The following CCDC134 variants were observed in gnomAD, a reference collection of about 807,000 sequenced individuals.
CCDC134 encodes the protein coiled-coil domain-containing protein 134.
In CCDC134, 27 loss-of-function variants were observed where a neutral mutation model predicts 25.6. The ratio of observed to expected loss-of-function variants is 1.05; its 90% confidence interval spans 0.78 to 1.45. The LOEUF is 1.45. CCDC134 is among the 40% of genes most tolerant of loss of function. The pLI is 0.00. For missense variants in CCDC134, 261 were observed against 286.7 expected (o/e 0.91, Z 0.65); for synonymous variants, 110 against 115.0 (o/e 0.96, Z 0.28).
intron 1 of CCDC134, among the ~76,000 whole-genome samples, chr22:41,802,914 AAAAAAAT>A (rs1426671419): frequency 6.6e-6 from 1 of 150,912 alleles, no homozygotes; most frequent in African/African-American, 2.4e-5. Context: ...ACTCTGTCTC[AAAAAAAT>A]AAAAAATAAA....
In CCDC134 at chr22:41,826,039, TC is replaced by T. The variant is rs1020506674; in HGVS notation, c.*217del. 53 of 548,490 alleles carry T rather than the reference TC, an allele frequency of 9.7e-5. No individual in the cohort carries two copies. In the Admixed American group the frequency reaches 1.7e-3, roughly 17 times the overall value. 34.0% of individuals were successfully genotyped at this position (548,490 alleles called of 1,614,324 possible). A position where few individuals can be genotyped will look rare whatever the true frequency, so the allele number is the denominator to read the frequency against. On this transcript the variant is annotated 3_prime_UTR_variant, in exon 7 of 7. Transcript: ENST00000255784. ...CAGGGGCCTCCTGCTGAAGGGGCCT[TC>T]AGAGGATTTTATGCTGGAAATATGA...
chr22:41,825,883 T>C lies in CCDC134; in HGVS notation c.*60T>C. 1 of 1,598,162 alleles carries C rather than the reference T, an allele frequency of 6.3e-7. No individual in the cohort carries two copies. The highest frequency in any genetic ancestry group is 8.5e-7 in the Non-Finnish European group (1 of 1,171,220). On this transcript the variant is annotated 3_prime_UTR_variant, in exon 7 of 7. Transcript: ENST00000255784. The surrounding 1 kb of genome is among the most constrained non-coding windows in gnomAD (Gnocchi z 4.4). ...GAGGCAGGTCGGGAGGAAGAAGAGGTGGAGGTGTGGTTGTGGTGGAGAGCA... is the reference window on the plus strand; with the variant it reads ...GAGGCAGGTCGGGAGGAAGAAGAGGCGGAGGTGTGGTTGTGGTGGAGAGCA...
chr22:41,825,904 G>A lies in CCDC134; in HGVS notation c.*81G>A. ...GAGGTGGAGGTGTGGTTGTGGTGGA[G>A]AGCACCAGCTAGCCCCTTCCAGAAG... On this transcript the variant is annotated 3_prime_UTR_variant, in exon 7 of 7. Transcript: ENST00000255784. This position sits in a 1 kb window ranked among gnomAD's most constrained non-coding sequence, Gnocchi z 4.4. The A allele has an allele frequency of 6.3e-7, 1 of 1,575,786 alleles. No homozygotes were observed. The highest frequency in any genetic ancestry group is 8.6e-7 in the Non-Finnish European group (1 of 1,156,692).
rs2076705843 is a variant in CCDC134 at position 41,831,097 on chromosome 22, G to C, written c.*5274G>C. ...GACGGGGTTTCACCAAGCTGGCCAA[G>C]CTGGTCTCGAACTCCCGACCTCAGG... On this transcript the variant is annotated 3_prime_UTR_variant, in exon 7 of 7. Transcript: ENST00000255784. 1 of 152,060 alleles carries C rather than the reference G, an allele frequency of 6.6e-6. No individual in the cohort carries two copies. The highest frequency in any genetic ancestry group is 2.1e-4 in the South Asian group (1 of 4,830). The allele number at this position is 152,060 out of a possible 1,614,324, so 9.4% of individuals were successfully genotyped here. A position where few individuals can be genotyped will look rare whatever the true frequency, so the allele number is the denominator to read the frequency against.
In CCDC134 at chr22:41,831,178, G is replaced by A. The variant is rs2076706528; in HGVS notation, c.*5355G>A. ...TGGGATTACAGGCGTGAGCCACCTT[G>A]CCCGGACTCTCTTTGTATTTTTTCT... On this transcript the variant is annotated 3_prime_UTR_variant, in exon 7 of 7. Coordinates refer to ENST00000255784, the MANE Select transcript of CCDC134 (RefSeq NM_024821.5). 1 of 151,798 alleles carries A rather than the reference G, an allele frequency of 6.6e-6. No homozygotes were observed. The highest frequency in any genetic ancestry group is 2.4e-5 in the African/African-American group (1 of 41,246). 9.4% of individuals were successfully genotyped at this position (151,798 alleles called of 1,614,324 possible).
At chr22:41,809,097 A>T in intron 2 of CCDC134, 104 bp downstream of exon 2, 1 of 904,426 alleles carries the variant, frequency 1.1e-6, no homozygotes, top group South Asian at 1.6e-5. Flanking sequence ...TGGCGGGAAC[A>T]GGGAGAAAAG....
At chr22:41,803,218 G>A (rs994590497) in intron 1 of CCDC134, among the ~76,000 whole-genome samples, 1 of 152,158 alleles carries the variant, frequency 6.6e-6, no homozygotes, top group Admixed American at 6.5e-5. Flanking sequence ...AGCTATGATT[G>A]TACCGCTGCA....
intron 3 of CCDC134, 102 bp downstream of exon 3, chr22:41,810,102 G>A (rs2076587252): frequency 2.5e-6 from 4 of 1,592,466 alleles, no homozygotes; most frequent in Admixed American, 3.4e-5. Context: ...AGGGACAGGG[G>A]AACTGCGCAC....
Position 41,813,424 on chromosome 22 carries a change from C to T in CCDC134, c.471C>T (p.Pro157=). ...AGACAGGCGTCTTCAACCAGGGGCC[C>T]CACTCGCCCATCCTCAGCCTGGTAA... ...CNQTGVFNQG[P]HSPILSLMAQ... Residue 157 remains proline (P), a synonymous_variant, in exon 5 of 7, where the codon CCC becomes CCT. Transcript: ENST00000255784. 1 of 1,614,200 alleles carries T rather than the reference C, an allele frequency of 6.2e-7. No individual in the cohort carries two copies.
intron 6 of CCDC134, among the ~76,000 whole-genome samples, chr22:41,819,100 T>C (rs945457675): frequency 2.0e-5 from 3 of 152,204 alleles, no homozygotes; most frequent in African/African-American, 7.2e-5. Context: ...CTTTTTGATA[T>C]CCTGCGTGGA....
In CCDC134 at chr22:41,830,031, A is replaced by G. The variant is rs1379900625; in HGVS notation, c.*4208A>G. On this transcript the variant is annotated 3_prime_UTR_variant, in exon 7 of 7. Coordinates refer to ENST00000255784, the MANE Select transcript of CCDC134 (RefSeq NM_024821.5). ...CGTGATCTGCCTGCCTCGGCCTCCT[A>G]AAGTGCTGGGATTACAGGCGTAAGC... 1.3e-5 allele frequency among the ~76,000 whole-genome samples: 2 copies of G among 152,134 alleles called. No individual in the cohort carries two copies. The highest frequency in any genetic ancestry group is 1.5e-5 in the Non-Finnish European group (1 of 68,020).
chr22:41,830,829 C>A lies in CCDC134; in HGVS notation c.*5006C>A, dbSNP rs1206513442. Among the ~76,000 whole-genome samples, 1 of 151,994 alleles carries A rather than the reference C, an allele frequency of 6.6e-6. No individual in the cohort carries two copies. The highest frequency in any genetic ancestry group is 1.5e-5 in the Non-Finnish European group (1 of 68,010). On this transcript the variant is annotated 3_prime_UTR_variant, in exon 7 of 7. Coordinates refer to ENST00000255784, the MANE Select transcript of CCDC134 (RefSeq NM_024821.5). ...GTCTGACAGCCAGCTGTTGGGTCTT[C>A]CATCGTTTTTAACCTTCAGGTGAGC...
intron 6 of CCDC134, among the ~76,000 whole-genome samples, chr22:41,820,651 A>G (rs563371649): frequency 5.3e-5 from 8 of 152,284 alleles, no homozygotes; most frequent in African/African-American, 1.9e-4. Context: ...TTGCTGAGGA[A>G]GCATATGTGG....
At position 41,827,792 on chromosome 22, in the gene CCDC134, T is replaced by C. The variant is rs982658962; in HGVS notation, c.*1969T>C. 6.6e-6 allele frequency among the ~76,000 whole-genome samples: 1 copy of C among 152,234 alleles called. No individual in the cohort carries two copies. Among genetic ancestry groups the C allele is most frequent in the Admixed American group, 6.5e-5 (1 of 15,290 alleles). On this transcript the variant is annotated 3_prime_UTR_variant, in exon 7 of 7. Transcript: ENST00000255784. ...AAAGGGTCAGATTCACTGGCTCAGCTGTTTAACCTGTCCTGGTGCCAGCAG... is the reference window on the plus strand; with the variant it reads ...AAAGGGTCAGATTCACTGGCTCAGCCGTTTAACCTGTCCTGGTGCCAGCAG...
chr22:41,813,347 C>G lies in CCDC134; in HGVS notation c.394C>G (p.His132Asp). 6.2e-7 allele frequency: 1 copy of G among 1,614,178 alleles called. No individual in the cohort carries two copies. ...GAGGATTGTGCACTATTACTTTGAC[C>G]ACAACTCCAACTGGAACCTCCTCAT... ...FPRIVHYYFD[H>D]NSNWNLLIRW... The change falls in exon 5 of 7, where the codon CAC becomes GAC. Residue 132 changes from histidine to aspartate, a missense_variant. Coordinates refer to ENST00000255784, the MANE Select transcript of CCDC134 (RefSeq NM_024821.5).
intron 6 of CCDC134, among the ~76,000 whole-genome samples, chr22:41,821,341 T>C (rs573855198): frequency 3.3e-5 from 5 of 152,156 alleles, no homozygotes; most frequent in African/African-American, 1.2e-4. Context: ...TTATTATACT[T>C]TAAGTTTTAG....
chr22:41,801,440 G>A (rs578008307), intron 1 of CCDC134, among the ~76,000 whole-genome samples: 1 of 152,260 alleles, frequency 6.6e-6, no homozygotes, highest in East Asian at 1.9e-4. Context: ...CATTTACAAA[G>A]AGTCAGAAGA....
chr22:41,801,259 G>A (rs936457030), intron 1 of CCDC134, among the ~76,000 whole-genome samples: 12 of 152,068 alleles, frequency 7.9e-5, no homozygotes, highest in Non-Finnish European at 1.2e-4. Context: ...GAGGGTCCTG[G>A]GTGAACTTGG....
chr22:41,810,097 CAG>C (rs2076587219), intron 3 of CCDC134, 97 bp downstream of exon 3: 6 of 1,593,348 alleles, frequency 3.8e-6, no homozygotes, highest in Non-Finnish European at 5.2e-6. Flanking sequence ...TGTTCAGGGA[CAG>C]GGGAACTGCG....
Sources: allele counts gnomAD v4.1 joint callset (sites outside exome capture counted in the v4.1 genomes callset), GRCh38; gene constraint gnomAD v4.1.1; non-coding constraint Gnocchi (gnomAD v3.1); transcripts MANE v1.5; gene names NCBI Gene and HGNC (gene_info 2026-07-23, HGNC 2026-07-21).